PLXNB2: variants seen among roughly 807,000 people sequenced by gnomAD.
The protein encoded by PLXNB2 is plexin B2.
A neutral mutation model predicts 202.6 loss-of-function variants in PLXNB2; 85 were observed. The observed-to-expected ratio is 0.42, with a 90% confidence interval of 0.35 to 0.50. The LOEUF (loss-of-function observed/expected upper bound fraction) is 0.50, where lower values mean the gene tolerates loss of function less well. PLXNB2 is among the 20% of genes least tolerant of loss of function. The pLI is 0.02. For missense variants in PLXNB2, 2,063 were observed against 2,586.2 expected (o/e 0.80, Z 4.39); for synonymous variants, 1,239 against 1,137.6 (o/e 1.09, Z -1.79).
At position 50,275,279 on chromosome 22, in the gene PLXNB2, C is replaced by T; in HGVS notation, c.*425G>A. The T allele has an allele frequency of 2.4e-6, 1 of 409,018 alleles. No individual in the cohort carries two copies. Among genetic ancestry groups the T allele is most frequent in the South Asian group, 1.6e-5 (1 of 60,758 alleles). The allele number at this position is 409,018 out of a possible 1,614,324, so 25.3% of individuals were successfully genotyped here. On this transcript the variant is annotated 3_prime_UTR_variant, in exon 37 of 37. Transcript: ENST00000359337. Reference sequence around the variant, plus strand: ...TCTCCTCCTCCCATCTCGTGGTGGACAGACAGACATAGGATCTGGGAACTT... The same window carrying T: ...TCTCCTCCTCCCATCTCGTGGTGGATAGACAGACATAGGATCTGGGAACTT...
At position 50,289,572 on chromosome 22, in the gene PLXNB2, C is replaced by G; in HGVS notation, c.1013G>C (p.Arg338Pro). 6.2e-7 allele frequency: 1 copy of G among 1,611,514 alleles called. No homozygotes were observed. The highest frequency in any genetic ancestry group is 1.3e-5 in the African/African-American group (1 of 75,072). The part of the protein sequence containing the change: ...NACYTGTREA[R>P]DIFYKPFHGD... ...GTGGAAGGGCTTGTAGAAGATGTCACGGGCCTCCCGGGTGCCTGTGTAACA... is the reference window on the plus strand; with the variant it reads ...GTGGAAGGGCTTGTAGAAGATGTCAGGGGCCTCCCGGGTGCCTGTGTAACA... The change falls in exon 3 of 37, where the codon CGT (arginine) becomes CCT (proline). Residue 338 changes from arginine (R) to proline (P), a missense_variant. By Grantham distance (103) the Arg-to-Pro change is moderately radical. Transcript: ENST00000359337. The surrounding 1 kb of genome is among the most constrained non-coding windows in gnomAD (Gnocchi z 8.0).
rs1213702854 is a variant in PLXNB2 at position 50,282,246 on chromosome 22, T to C, written c.3055A>G (p.Ile1019Val). Residue 1019 changes from isoleucine to valine, a missense_variant, in exon 19 of 37, where the codon ATC becomes GTC. Ile to Val is a conservative substitution (Grantham distance 29, BLOSUM62 3). This residue lies in a region of PLXNB2 where 1,303 missense variants were observed against 1,476.8 expected (regional missense o/e 0.88). Transcript: ENST00000359337. ...SLIQRFAMVV[I>V]AEPLQSWQPP... ...TGCCAGGACTGCAGGGGCTCCGCGA[T>C]GACCACCATGGCAAACCTCTGGATC... 2 of 1,612,414 alleles carry C rather than the reference T, an allele frequency of 1.2e-6. No individual in the cohort carries two copies. Among genetic ancestry groups the C allele is most frequent in the East Asian group, 2.2e-5 (1 of 44,872 alleles).
At chr22:50,292,207 A>G (rs999828915) in intron 2 of PLXNB2, among the ~76,000 whole-genome samples, 1 of 151,638 alleles carries the variant, frequency 6.6e-6, no homozygotes, top group Non-Finnish European at 1.5e-5. Context: ...GCGTGCTGGC[A>G]CCCGCCTGTA....
At chr22:50,286,355 C>CAGGAG in intron 8 of PLXNB2, 68 bp from the exon 9 acceptor site, 2 of 1,115,958 alleles carry the variant, frequency 1.8e-6, no homozygotes, top group South Asian at 1.3e-5. Flanking sequence ...TGGGCCTCCC[C>CAGGAG]TGGGGCTGAC....
rs1441358342 is a variant in PLXNB2 at position 50,283,963 on chromosome 22, C to A, written c.2291G>T (p.Arg764Leu). ...HVTLYNCSFG[R>L]SDCSLCRAAN... ...GGCCCGGCACAGGCTGCAGTCGCTG[C>A]GGCCAAAGGAGCAGTTGTAGAGGGT... The change falls in exon 14 of 37, where the codon CGC becomes CTC. Residue 764 changes from arginine to leucine, a missense_variant. Transcript: ENST00000359337. The A allele has an allele frequency of 6.4e-7, 1 of 1,550,816 alleles. No individual in the cohort carries two copies. Among genetic ancestry groups the A allele is most frequent in the Non-Finnish European group, 8.7e-7 (1 of 1,150,876 alleles).
Position 50,281,754 on chromosome 22 carries a change from G to T in PLXNB2, c.3346-12C>A. On this transcript the variant is annotated splice_polypyrimidine_tract_variant and intron_variant, in intron 20 of 36. Coordinates refer to ENST00000359337, the MANE Select transcript of PLXNB2 (RefSeq NM_012401.4). The stretch of plus-strand genomic sequence containing the variant: ...TTCAGATTGGTGCCCTGGGGAGGCG[G>T]CAGTGGTCGGGGTGAGGAGGAGGGA... The T allele has an allele frequency of 6.4e-7, 1 of 1,557,778 alleles. No homozygotes were observed. Among genetic ancestry groups the T allele is most frequent in the East Asian group, 2.3e-5 (1 of 44,246 alleles).
chr22:50,287,780 C>A lies in PLXNB2; in HGVS notation c.1495G>T (p.Ala499Ser). Residue 499 changes from alanine (A) to serine (S), a missense_variant, in exon 7 of 37, where the codon GCC (alanine) becomes TCC (serine). Physicochemically the swap from Ala to Ser is moderately conservative, Grantham distance 99 (BLOSUM62 1). Transcript: ENST00000359337. ...CVVEGRCTRK[A>S]ECPRAEEASH... ...GCCTCCTCGGCCCGCGGACACTCGGCCTTCCGGGTGCATCTGCAGGCGCAG... is the reference window on the plus strand; with the variant it reads ...GCCTCCTCGGCCCGCGGACACTCGGACTTCCGGGTGCATCTGCAGGCGCAG... 6.3e-7 allele frequency: 1 copy of A among 1,588,534 alleles called. No homozygotes were observed. The highest frequency in any genetic ancestry group is 8.5e-7 in the Non-Finnish European group (1 of 1,174,788).
At chr22:50,281,776 G>A (rs2066008893) in intron 20 of PLXNB2, 34 bp from the exon 21 acceptor site, 1 of 1,565,452 alleles carries the variant, frequency 6.4e-7, no homozygotes, top group Non-Finnish European at 8.7e-7. Flanking sequence ...GTGAGGAGGA[G>A]GGAACCAGGG....
chr22:50,301,362 TC>T, intron 1 of PLXNB2: 2 of 983,538 alleles, frequency 2.0e-6, no homozygotes, highest in Non-Finnish European at 2.4e-6. Flanking sequence ...TCTCCGTGCT[TC>T]CTGAGGACCT....
intron 10 of PLXNB2, 36 bp downstream of exon 10, chr22:50,285,954 C>T: frequency 3.1e-6 from 5 of 1,606,360 alleles, no homozygotes; most frequent in South Asian, 2.2e-5. Context: ...AGCAGCCATG[C>T]CCTGAACAGT....
At chr22:50,299,310 G>GC (rs1555927873) in intron 1 of PLXNB2, among the ~76,000 whole-genome samples, 3 of 114,740 alleles carry the variant, frequency 2.6e-5, no homozygotes, top group Non-Finnish European at 5.6e-5. Context: ...TGGGGGGGGG[G>GC]CCCGGTGCGG....
intron 1 of PLXNB2, among the ~76,000 whole-genome samples, chr22:50,296,878 A>AG (rs1191210234): frequency 1.3e-5 from 2 of 152,044 alleles, no homozygotes; most frequent in African/African-American, 2.4e-5. Flanking sequence ...TGACACCAGC[A>AG]GGGGGGCGGC....
rs930914578 is a variant in PLXNB2, at chr22:50,275,554, G to A, written c.*150C>T. The A allele has an allele frequency of 3.7e-5, 24 of 649,244 alleles. No homozygotes were observed. Among genetic ancestry groups the A allele is most frequent in the Middle Eastern group, 5.6e-4 (2 of 3,598 alleles). 40.2% of individuals were successfully genotyped at this position (649,244 alleles called of 1,614,324 possible). A position where few individuals can be genotyped will look rare whatever the true frequency, so the allele number is the denominator to read the frequency against. ...CAGAGGAAGATGCTACAGTCTAGAC[G>A]CTGGGCGGGTTCCGGCTGCACCCAC... is the stretch of plus-strand genomic sequence containing the variant. On this transcript the variant is annotated 3_prime_UTR_variant, in exon 37 of 37. Coordinates refer to ENST00000359337, the MANE Select transcript of PLXNB2 (RefSeq NM_012401.4).
At position 50,282,841 on chromosome 22, in the gene PLXNB2, G is replaced by C; in HGVS notation, c.2857C>G (p.Gln953Glu). The change falls in exon 18 of 37, where the codon CAG (glutamine) becomes GAG (glutamate). Residue 953 changes from glutamine to glutamate, a missense_variant. Physicochemically the swap from Gln to Glu is conservative, Grantham distance 29. Around this residue, in one of 2 missense-constraint regions of PLXNB2, gnomAD observed 1,303 missense variants for 1,476.8 expected, o/e 0.88. Transcript: ENST00000359337. ...AGAAGCATCTGGCCCCGTGTCGCCT[G>C]GGGGCCAGTGACACACTGGAGCTGC... is the stretch of plus-strand genomic sequence containing the variant. ...GAQLQCVTGPQATRGQMLLEV... is the reference protein window; with the variant it reads ...GAQLQCVTGPEATRGQMLLEV... 1.9e-6 allele frequency: 3 copies of C among 1,612,370 alleles called. No homozygotes were observed. Among genetic ancestry groups the C allele is most frequent in the Non-Finnish European group, 2.5e-6 (3 of 1,179,300 alleles).
intron 1 of PLXNB2, among the ~76,000 whole-genome samples, chr22:50,296,432 C>T (rs1237645917): frequency 1.4e-5 from 2 of 146,620 alleles, no homozygotes; most frequent in Non-Finnish European, 2.9e-5. Flanking sequence ...ATTATATTTA[C>T]ATATTGCTTG....
intron 16 of PLXNB2, 43 bp from the exon 17 acceptor site, chr22:50,283,229 G>A: frequency 6.3e-7 from 1 of 1,599,664 alleles, no homozygotes; most frequent in Non-Finnish European, 8.5e-7. Flanking sequence ...CGGGGCACAG[G>A]ACGCCCTCGG....
In PLXNB2 at chr22:50,290,126, T is replaced by C. The variant is rs2066763270; in HGVS notation, c.459A>G (p.Thr153=). 3.1e-6 allele frequency: 5 copies of C among 1,613,102 alleles called. No homozygotes were observed. The highest frequency in any genetic ancestry group is 4.2e-6 in the Non-Finnish European group (5 of 1,179,998). Residue 153 remains threonine (T), a synonymous_variant, in exon 3 of 37, where the codon ACA becomes ACG. Transcript: ENST00000359337. Reference sequence around the variant, plus strand: ...GACCCGTGGAGCTCACCAGCCCCACTGTGGCCACGCCCTCATCATTGCTGG... The same window carrying C: ...GACCCGTGGAGCTCACCAGCCCCACCGTGGCCACGCCCTCATCATTGCTGG... ...FVASNDEGVA[T]VGLVSSTGPG...
At chr22:50,286,567 C>G (rs570105479) in intron 8 of PLXNB2, among the ~76,000 whole-genome samples, 1 of 152,228 alleles carries the variant, frequency 6.6e-6, no homozygotes, top group African/African-American at 2.4e-5. Flanking sequence ...CTTTCTCCCC[C>G]GGGTCCAGGT....
In PLXNB2 at chr22:50,281,726, T is replaced by A. The variant is rs769207954; in HGVS notation, c.3362A>T (p.Lys1121Met). The A allele has an allele frequency of 6.4e-7, 1 of 1,560,246 alleles. No homozygotes were observed. Among genetic ancestry groups the A allele is most frequent in the Admixed American group, 1.8e-5 (1 of 54,814 alleles). Residue 1121 changes from lysine (K) to methionine (M), a missense_variant, in exon 21 of 37, where the codon AAG becomes ATG. Physicochemically the swap from Lys to Met is moderately conservative, Grantham distance 95 (BLOSUM62 -1). Coordinates refer to ENST00000359337, the MANE Select transcript of PLXNB2 (RefSeq NM_012401.4). ...CTCGGCCTCCTGCAGCGTCATCGCC[T>A]TGTTCAGATTGGTGCCCTGGGGAGG... is the stretch of plus-strand genomic sequence containing the variant. Reference protein sequence around the residue: ...LIHARGTNLNKAMTLQEAEAF... With the variant: ...LIHARGTNLNMAMTLQEAEAF...
Sources: gnomAD v4.1 joint callset for allele counts (sites outside exome capture counted in the v4.1 genomes callset) on GRCh38, gnomAD v4.1.1 for gene constraint, gnomAD v4.1.1 regional missense constraint, Gnocchi (gnomAD v3.1) non-coding constraint, MANE v1.5 for transcripts, NCBI Gene and HGNC (gene_info 2026-07-23, HGNC 2026-07-21) for gene names.